DEUP1: variants seen among roughly 807,000 people sequenced by gnomAD.
The protein encoded by DEUP1 is coiled-coil domain containing 67.
A neutral mutation model predicts 87.4 loss-of-function variants in DEUP1; 82 were observed. The ratio of observed to expected loss-of-function variants is 0.94; its 90% CI spans 0.78 to 1.13. The LOEUF (loss-of-function observed/expected upper bound fraction) is 1.13, where lower values mean the gene tolerates loss of function less well. DEUP1 is among the 50% of genes most tolerant of loss of function. The pLI, the probability that DEUP1 is intolerant of heterozygous loss-of-function variation, is 0.00. For missense variants in DEUP1, 663 were observed against 681.5 expected (o/e 0.97, Z 0.30); for synonymous variants, 214 against 222.7 (o/e 0.96, Z 0.35).
At chr11:93,381,856 CAA>C (rs1694341117) in intron 7 of DEUP1, among the ~76,000 whole-genome samples, 1 of 151,970 alleles carries the variant, frequency 6.6e-6, no homozygotes, top group Admixed American at 6.6e-5. Flanking sequence ...ACTATATATC[CAA>C]AATATTATCA....
At chr11:93,408,462 A>T in intron 12 of DEUP1, 35 bp downstream of exon 12, 1 of 1,237,322 alleles carries the variant, frequency 8.1e-7, no homozygotes, top group South Asian at 1.6e-5. Flanking sequence ...GCATAAGTTT[A>T]AAAACATGTA....
chr11:93,338,947 A>G (rs925475078), intron 2 of DEUP1, among the ~76,000 whole-genome samples: 6 of 152,150 alleles, frequency 3.9e-5, no homozygotes, highest in African/African-American at 1.4e-4. Context: ...TGCCTTTTTA[A>G]TTGGAGAATG....
chr11:93,336,754 A>C (rs1591072697), intron 2 of DEUP1, among the ~76,000 whole-genome samples: 1 of 151,636 alleles, frequency 6.6e-6, no homozygotes, highest in African/African-American at 2.4e-5. Flanking sequence ...CTAGGAGTCA[A>C]CCCCTTCTTA....
chr11:93,370,960 T>C, intron 6 of DEUP1, 78 bp from the exon 7 acceptor site: 5 of 1,281,112 alleles, frequency 3.9e-6, no homozygotes, highest in Non-Finnish European at 5.4e-6. Context: ...TACTAATTCT[T>C]TTCTATCATT....
intron 13 of DEUP1, among the ~76,000 whole-genome samples, chr11:93,432,375 C>G (rs1333033058): frequency 1.3e-5 from 2 of 152,160 alleles, no homozygotes; most frequent in African/African-American, 2.4e-5. Context: ...TCCCCTCTGA[C>G]TCCTAGGAGG....
intron 9 of DEUP1, among the ~76,000 whole-genome samples, chr11:93,390,439 A>G (rs1946732261): frequency 6.6e-6 from 1 of 152,232 alleles, no homozygotes; most frequent in African/African-American, 2.4e-5. Flanking sequence ...AAAAGGTGTT[A>G]TGAATCAGTG....
intron 11 of DEUP1, among the ~76,000 whole-genome samples, chr11:93,402,035 A>G (rs1947135368): frequency 6.6e-6 from 1 of 152,048 alleles, no homozygotes; most frequent in African/African-American, 2.4e-5. Flanking sequence ...AAGCTTCTGC[A>G]CAGCAAAGAA....
intron 9 of DEUP1, among the ~76,000 whole-genome samples, chr11:93,393,050 TCTC>T (rs1004829445): frequency 7.0e-5 from 10 of 142,306 alleles, no homozygotes; most frequent in Non-Finnish European, 1.4e-4. Context: ...TCTACTTCTT[TCTC>T]CTCCTCCTCC....
chr11:93,393,152 A>G (rs1405838564), intron 9 of DEUP1, among the ~76,000 whole-genome samples: 1 of 142,442 alleles, frequency 7.0e-6, no homozygotes, highest in Non-Finnish European at 1.5e-5. Context: ...CAGTGGTGCA[A>G]TCAGGGCCTA....
intron 11 of DEUP1, among the ~76,000 whole-genome samples, chr11:93,402,871 T>TAGGGAGGA: frequency 6.6e-6 from 1 of 151,600 alleles, no homozygotes; most frequent in Admixed American, 6.6e-5. Context: ...CTAAGAAGGA[T>TAGGGAGGA]AGGGAGGAAG....
At chr11:93,436,741 T>G (rs145805976) in intron 13 of DEUP1, among the ~76,000 whole-genome samples, 31 of 152,034 alleles carry the variant, frequency 2.0e-4, no homozygotes, top group African/African-American at 7.5e-4. Flanking sequence ...AAAATGAAAA[T>G]CAAAGAAGAA....
intron 4 of DEUP1, among the ~76,000 whole-genome samples, chr11:93,359,505 C>G (rs1456239): frequency 0.53 from 81,197 of 151,914 alleles, 22,074 homozygotes; most frequent in Admixed American, 0.65. Flanking sequence ...AGAGAAGAGA[C>G]AGATTGGCTA....
chr11:93,419,502 C>G lies in DEUP1; in HGVS notation c.1638+4388C>G, dbSNP rs955004261. Among the ~76,000 whole-genome samples the G allele has an allele frequency of 2.6e-5, 4 of 152,210 alleles. No homozygotes were observed. In the Middle Eastern group the frequency reaches 0.01, roughly 388 times the overall value. The stretch of plus-strand genomic sequence containing the variant: ...GCATTCAAAGTGGAGTCACTTTTGC[C>G]TCCCCTGGTGCTGACATTGAAATGG... On this transcript the variant is annotated intron_variant, in intron 13 of 13. Transcript: ENST00000298050.
At chr11:93,420,401 T>A (rs1286867021) in intron 13 of DEUP1, among the ~76,000 whole-genome samples, 4 of 152,230 alleles carry the variant, frequency 2.6e-5, no homozygotes, top group African/African-American at 9.6e-5. Context: ...TAGGTATTCA[T>A]GGGACGTATC....
chr11:93,395,019 C>T (rs1353682515), intron 10 of DEUP1, among the ~76,000 whole-genome samples: 2 of 151,958 alleles, frequency 1.3e-5, no homozygotes, highest in Non-Finnish European at 2.9e-5. Flanking sequence ...GTCTCTATTC[C>T]AGCTCTTCTT....
intron 10 of DEUP1, among the ~76,000 whole-genome samples, chr11:93,395,000 TA>T (rs986643713): frequency 2.6e-5 from 4 of 151,974 alleles, no homozygotes; most frequent in Admixed American, 6.6e-5. Context: ...TTTTTATCTT[TA>T]AAAAAAAGTC....
intron 2 of DEUP1, among the ~76,000 whole-genome samples, chr11:93,333,086 C>G (rs1943571979): frequency 6.6e-6 from 1 of 152,208 alleles, no homozygotes; most frequent in African/African-American, 2.4e-5. Context: ...ATAGCTATCA[C>G]TTTTTAGCTC....
intron 2 of DEUP1, among the ~76,000 whole-genome samples, chr11:93,332,911 T>G (rs1379399105): frequency 1.3e-5 from 2 of 152,174 alleles, no homozygotes; most frequent in East Asian, 3.8e-4. Context: ...ACACAGAGTT[T>G]GGGGAATGAA....
At chr11:93,394,882 C>T (rs1946889230) in intron 10 of DEUP1, among the ~76,000 whole-genome samples, 1 of 152,132 alleles carries the variant, frequency 6.6e-6, no homozygotes. Flanking sequence ...TTCATTAAAT[C>T]TCATCTTTCC....
Sources: gnomAD v4.1 joint callset for allele counts (sites outside exome capture counted in the v4.1 genomes callset) on GRCh38, gnomAD v4.1.1 for gene constraint, MANE v1.5 for transcripts, NCBI Gene and HGNC (gene_info 2026-07-23, HGNC 2026-07-21) for gene names.